Variants in CAMK1G observed in about 807,000 individuals in gnomAD.
CAMK1G encodes calcium/calmodulin dependent protein kinase IG.
A neutral mutation model predicts 54.8 loss-of-function variants in CAMK1G; 27 were observed. The ratio of observed to expected loss-of-function variants is 0.49; its 90% CI spans 0.36 to 0.68. The LOEUF is 0.68. Among genes scored for constraint, CAMK1G ranks in the 30% least tolerant of loss-of-function variants. The pLI is 0.00. For missense variants in CAMK1G, 512 were observed against 591.0 expected (o/e 0.87, Z 1.39); for synonymous variants, 238 against 224.9 (o/e 1.06, Z -0.52).
intron 1 of CAMK1G, among the ~76,000 whole-genome samples, chr1:209,592,657 C>A (rs1665286402): frequency 6.6e-6 from 1 of 152,230 alleles, no homozygotes; most frequent in African/African-American, 2.4e-5. Context: ...TGACCAGATG[C>A]TCTACTCCAA....
At chr1:209,592,489 A>C (rs2102382927) in intron 1 of CAMK1G, among the ~76,000 whole-genome samples, 1 of 152,146 alleles carries the variant, frequency 6.6e-6, no homozygotes, top group South Asian at 2.1e-4. Flanking sequence ...GCCCAGCATG[A>C]GGCACTATCT....
At position 209,612,224 on chromosome 1, in the gene CAMK1G, T is replaced by G; in HGVS notation, c.1340+8T>G. ...AAAGGCCAACAAAAAACAGTACGTA[T>G]TTTTAGCCAAAGATGGAGCCCCAGC... is the stretch of plus-strand genomic sequence containing the variant. On this transcript the variant is annotated splice_region_variant and intron_variant, in intron 11 of 12. Coordinates refer to ENST00000361322, the MANE Select transcript of CAMK1G (RefSeq NM_020439.3). 6.2e-7 allele frequency: 1 copy of G among 1,609,776 alleles called. No individual in the cohort carries two copies. Among genetic ancestry groups the G allele is most frequent in the South Asian group, 1.1e-5 (1 of 90,988 alleles).
At chr1:209,594,872 A>G in intron 1 of CAMK1G, 83 bp from the exon 2 acceptor site, 1 of 742,236 alleles carries the variant, frequency 1.3e-6, no homozygotes, top group Non-Finnish European at 2.2e-6. Flanking sequence ...AGATGTCAGT[A>G]TTGCAGCCTG....
chr1:209,592,708 A>G (rs559136666), intron 1 of CAMK1G, among the ~76,000 whole-genome samples: 2 of 152,278 alleles, frequency 1.3e-5, no homozygotes, highest in South Asian at 2.1e-4. Context: ...AAACTACACC[A>G]TCTGTCTCCC....
At chr1:209,593,903 T>C (rs1479364459) in intron 1 of CAMK1G, among the ~76,000 whole-genome samples, 1 of 152,176 alleles carries the variant, frequency 6.6e-6, no homozygotes, top group African/African-American at 2.4e-5. Context: ...AGCCCTTTAT[T>C]GTCCGCCCCT....
intron 1 of CAMK1G, among the ~76,000 whole-genome samples, chr1:209,588,351 G>A (rs926940922): frequency 4.8e-5 from 7 of 144,590 alleles, no homozygotes; most frequent in South Asian, 4.8e-4. Context: ...AGAGTGGAGC[G>A]GAATGGATTG....
At chr1:209,604,256 C>T (rs77460832) in intron 4 of CAMK1G, among the ~76,000 whole-genome samples, 1 of 152,156 alleles carries the variant, frequency 6.6e-6, no homozygotes, top group South Asian at 2.1e-4. Flanking sequence ...TGGAAAGGGC[C>T]CCTAGTGGCA....
At chr1:209,600,179 A>G (rs181686876) in intron 3 of CAMK1G, 68 bp downstream of exon 3, 221 of 1,568,380 alleles carry the variant, frequency 1.4e-4, no homozygotes, top group Middle Eastern at 1.7e-4. Flanking sequence ...ATTACCTTCA[A>G]AAAGGACTAG....
At chr1:209,602,469 T>A (rs1039038183) in intron 3 of CAMK1G, among the ~76,000 whole-genome samples, 1 of 152,206 alleles carries the variant, frequency 6.6e-6, no homozygotes, top group African/African-American at 2.4e-5. Context: ...GAGGCTCAGC[T>A]CACCTGAATC....
intron 3 of CAMK1G, among the ~76,000 whole-genome samples, 193 bp from the exon 4 acceptor site, chr1:209,603,021 G>A (rs534996652): frequency 2.0e-5 from 3 of 152,256 alleles, no homozygotes; most frequent in East Asian, 1.9e-4. Flanking sequence ...AACACGGACC[G>A]AGCACCTCCA....
intron 2 of CAMK1G, 80 bp from the exon 3 acceptor site, chr1:209,599,903 G>T (rs1349792808): frequency 6.5e-7 from 1 of 1,545,654 alleles, no homozygotes. Flanking sequence ...ACTCTGTTAC[G>T]TCCTTTCTGA....
In CAMK1G at chr1:209,605,605, G is replaced by A; in HGVS notation, c.366G>A (p.Leu122=). 2 of 1,614,150 alleles carry A rather than the reference G, an allele frequency of 1.2e-6. No homozygotes were observed. Among genetic ancestry groups the A allele is most frequent in the South Asian group, 2.2e-5 (2 of 91,082 alleles). The part of the protein sequence containing the change: ...RGVYTEKDAS[L]VIQQVLSAVK... ...TCTACACAGAGAAGGATGCCAGTCT[G>A]GTGATCCAGCAGGTCTTGTCGGCAG... The change falls in exon 5 of 13, where the codon CTG becomes CTA. Residue 122 remains leucine, a synonymous_variant. Transcript: ENST00000361322.
chr1:209,600,079 C>T lies in CAMK1G; in HGVS notation c.189C>T (p.Ser63=), dbSNP rs774813964. The change falls in exon 3 of 13, where the codon AGC becomes AGT. Residue 63 remains serine (S), a synonymous_variant. Transcript: ENST00000361322. ...CIKKSPAFRD[S]SLENEIAVLK... ...AGAAGTCACCTGCCTTCCGGGACAG[C>T]AGCCTGGAGAATGAGATTGCTGTGT... 9.3e-6 allele frequency: 15 copies of T among 1,613,752 alleles called. No individual in the cohort carries two copies. The East Asian group carries it at 2.9e-4, about 31-fold the overall frequency.
intron 4 of CAMK1G, among the ~76,000 whole-genome samples, chr1:209,604,057 C>A (rs1274981607): frequency 1.3e-5 from 2 of 152,206 alleles, no homozygotes; most frequent in Non-Finnish European, 2.9e-5. Context: ...CACACTTGCA[C>A]ATGCACAGAC....
chr1:209,596,609 T>C (rs1022918025), intron 2 of CAMK1G, among the ~76,000 whole-genome samples: 2 of 151,382 alleles, frequency 1.3e-5, no homozygotes, highest in Admixed American at 1.3e-4. Context: ...CCATCTAAAT[T>C]CAACGTTGTT....
rs1164902700 is a variant in CAMK1G, at chr1:209,595,155, A to T, written c.92+80A>T. The T allele has an allele frequency of 6.1e-6, 6 of 990,746 alleles. No individual in the cohort carries two copies. The Admixed American group carries it at 1.1e-4, about 18-fold the overall frequency. 61.4% of individuals were successfully genotyped at this position (990,746 alleles called of 1,614,324 possible). A position where few individuals can be genotyped will look rare whatever the true frequency, so the allele number is the denominator to read the frequency against. ...AGAAGAGTTGTTCTCTGCTGGCAGC[A>T]ATTGATGAACTGGACTGAGGCTGCT... On this transcript the variant is annotated intron_variant, in intron 2 of 12. Transcript: ENST00000361322.
intron 4 of CAMK1G, 71 bp downstream of exon 4, chr1:209,603,359 G>A (rs895982406): frequency 1.5e-5 from 18 of 1,195,910 alleles, no homozygotes; most frequent in South Asian, 2.5e-5. Context: ...GAGGTTGGTC[G>A]CTGGTGAGGG....
chr1:209,610,689 C>G (rs371248917), intron 9 of CAMK1G, among the ~76,000 whole-genome samples: 2 of 152,306 alleles, frequency 1.3e-5, no homozygotes, highest in East Asian at 3.9e-4. Context: ...GCCCCTGACC[C>G]CTGCAGCCCA....
At chr1:209,607,293 C>T (rs185448699) in intron 6 of CAMK1G, among the ~76,000 whole-genome samples, 363 of 152,322 alleles carry the variant, frequency 2.4e-3, no homozygotes, top group African/African-American at 8.3e-3. Flanking sequence ...GAAGTCATGG[C>T]TCATGCCCTC....
Sources: allele counts gnomAD v4.1 joint callset (sites outside exome capture counted in the v4.1 genomes callset), GRCh38; gene constraint gnomAD v4.1.1; transcripts MANE v1.5; gene names NCBI Gene and HGNC (gene_info 2026-07-23, HGNC 2026-07-21).